The following NUP42 variants were observed in gnomAD, a reference collection of about 807,000 sequenced individuals.
NUP42 encodes nucleoporin NUP42.
A neutral mutation model predicts 35.9 loss-of-function variants in NUP42; 47 were observed. That is an observed-to-expected ratio of 1.31 (90% CI 1.04 to 1.67). The LOEUF (loss-of-function observed/expected upper bound fraction) is 1.67, where lower values mean the gene tolerates loss of function less well. NUP42 is among the 40% of genes most tolerant of loss of function. NUP42 has a pLI of 0.00. For synonymous variants in NUP42, 173 were observed against 173.3 expected, an observed-to-expected ratio of 1.00 and a Z score of 0.01; for missense variants, 514 against 492.2, an observed-to-expected ratio of 1.04 and a Z score of -0.42.
intron 3 of NUP42, among the ~76,000 whole-genome samples, chr7:23,192,577 A>G (rs1206002403): frequency 6.6e-6 from 1 of 151,862 alleles, no homozygotes; most frequent in African/African-American, 2.4e-5. Flanking sequence ...AAAGAAAATC[A>G]TAAGGATAAG....
intron 3 of NUP42, chr7:23,187,945 T>TGTGGGG: frequency 4.1e-6 from 2 of 489,808 alleles, no homozygotes. Flanking sequence ...TGTCTCTCTC[T>TGTGGGG]CTCTCTCTGG....
intron 1 of NUP42, 149 bp from the exon 2 acceptor site, chr7:23,184,921 G>T: frequency 4.8e-6 from 3 of 619,476 alleles, no homozygotes; most frequent in Non-Finnish European, 5.5e-6. Flanking sequence ...TGGGAGGATC[G>T]ATTGAGCTTA....
At chr7:23,182,765 A>AAG (rs1785456831) in intron 1 of NUP42, among the ~76,000 whole-genome samples, 1 of 148,724 alleles carries the variant, frequency 6.7e-6, no homozygotes, top group African/African-American at 2.5e-5. Flanking sequence ...AAAAAAAAAA[A>AAG]TAGCCGGGCG....
chr7:23,191,246 T>G (rs945125692), intron 3 of NUP42, among the ~76,000 whole-genome samples: 2 of 152,144 alleles, frequency 1.3e-5, no homozygotes, highest in African/African-American at 4.8e-5. Context: ...TGAAGAACTT[T>G]AAGCAAAAGA....
At chr7:23,187,599 CTT>C (rs11446033) in intron 3 of NUP42, among the ~76,000 whole-genome samples, 8 of 84,826 alleles carry the variant, frequency 9.4e-5, no homozygotes, top group African/African-American at 3.5e-4. Context: ...GGGATAGCAA[CTT>C]TTTTTTTTTT....
At position 23,196,699 on chromosome 7, in the gene NUP42, T is replaced by TA; in HGVS notation, c.544dup (p.Ile182AsnfsTer10). On this transcript the variant is annotated frameshift_variant, in exon 5 of 7. Coordinates refer to ENST00000258742, the MANE Select transcript of NUP42 (RefSeq NM_007342.3). LOFTEE classifies it high-confidence loss of function. Reference sequence around the variant, plus strand: ...TTTCAGCTAAATTCTGTCCAACGTTTAATAAATCAATGGAGGAACAGGGTA... The same window carrying TA: ...TTTCAGCTAAATTCTGTCCAACGTTTAAATAAATCAATGGAGGAACAGGGTA... 6.2e-7 allele frequency: 1 copy of TA among 1,611,544 alleles called. No homozygotes were observed. Among genetic ancestry groups the TA allele is most frequent in the Non-Finnish European group, 8.5e-7 (1 of 1,177,944 alleles).
intron 1 of NUP42, among the ~76,000 whole-genome samples, chr7:23,183,025 G>A (rs1394213679): frequency 6.6e-6 from 1 of 152,110 alleles, no homozygotes; most frequent in East Asian, 1.9e-4. Flanking sequence ...AATGTGGGAC[G>A]CCCAGTTAAG....
intron 4 of NUP42, 170 bp downstream of exon 4, chr7:23,196,085 A>C: frequency 2.8e-6 from 1 of 358,330 alleles, no homozygotes; most frequent in Non-Finnish European, 4.9e-6. Context: ...GGTTATTAAA[A>C]TGATAATATA....
intron 3 of NUP42, among the ~76,000 whole-genome samples, chr7:23,193,133 GTGAGGCTGAAGACCTTCGCGGTGAGT>G (rs1168454361): frequency 6.6e-6 from 1 of 152,036 alleles, no homozygotes; most frequent in East Asian, 1.9e-4. Flanking sequence ...GGCTTCAGGA[GTGAGGCTGAAGACCTTCGCGGTGAGT>G]GTTACAGCTC....
At chr7:23,199,583 A>T (rs1466876141) in intron 6 of NUP42, 41 bp downstream of exon 6, 2 of 1,529,488 alleles carry the variant, frequency 1.3e-6, no homozygotes, top group Middle Eastern at 1.7e-4. Context: ...GATTTAGAAA[A>T]ATTAGATTTT....
rs1239183753 is a variant in NUP42 at position 23,197,638 on chromosome 7, G to A, written c.609+872G>A. On this transcript the variant is annotated intron_variant, in intron 5 of 6. Coordinates refer to ENST00000258742, the MANE Select transcript of NUP42 (RefSeq NM_007342.3). ...CAAAGAACTGTGGAACTTCCCTCAG[G>A]GCTGGAAGGTCCCTGCTCCTTGCTA... Among the ~76,000 whole-genome samples, 3 of 152,210 alleles carry A rather than the reference G, an allele frequency of 2.0e-5. No homozygotes were observed. In the East Asian group the frequency reaches 5.8e-4, roughly 29 times the overall value.
rs758160045 is a variant in NUP42 at position 23,185,307 on chromosome 7, A to C, written c.350+9A>C. Reference sequence around the variant, plus strand: ...GATGAAAAGAAACTTCTGTAAGTGAAAGTTTTCAGGAAAATTACTATCCAT... The same window carrying C: ...GATGAAAAGAAACTTCTGTAAGTGACAGTTTTCAGGAAAATTACTATCCAT... On this transcript the variant is annotated intron_variant, in intron 2 of 6. Coordinates refer to ENST00000258742, the MANE Select transcript of NUP42 (RefSeq NM_007342.3). 3 of 1,583,132 alleles carry C rather than the reference A, an allele frequency of 1.9e-6. No homozygotes were observed. In the South Asian group the frequency reaches 3.4e-5, roughly 18 times the overall value.
chr7:23,182,722 ACC>A (rs2128471842), intron 1 of NUP42, among the ~76,000 whole-genome samples: 1 of 128,446 alleles, frequency 7.8e-6, no homozygotes, highest in South Asian at 2.5e-4. Flanking sequence ...ATAGTGAAAC[ACC>A]GTCTTTACTA....
At chr7:23,194,945 C>T (rs1032196139) in intron 3 of NUP42, 4 of 139,614 alleles carry the variant, frequency 2.9e-5, no homozygotes, top group Non-Finnish European at 3.2e-5. Flanking sequence ...GCCTCAGCCT[C>T]CCAAAGTGCT....
rs1786126273 is a variant in NUP42 at position 23,199,356 on chromosome 7, A to T, written c.610-102A>T. The T allele has an allele frequency of 1.7e-5, 16 of 947,010 alleles. No individual in the cohort carries two copies. In the South Asian group the frequency reaches 2.1e-4, roughly 13 times the overall value. 58.7% of individuals were successfully genotyped at this position (947,010 alleles called of 1,614,324 possible). A position where few individuals can be genotyped will look rare whatever the true frequency, so the allele number is the denominator to read the frequency against. ...TGTGAGCCACCACACCCAGCCTTTAATGCACATTTTAAAAACTTGAATTTG... is the reference window on the plus strand; with the variant it reads ...TGTGAGCCACCACACCCAGCCTTTATTGCACATTTTAAAAACTTGAATTTG... On this transcript the variant is annotated intron_variant, in intron 5 of 6. Transcript: ENST00000258742.
At chr7:23,188,991 C>A (rs1184780014) in intron 3 of NUP42, among the ~76,000 whole-genome samples, 1 of 152,180 alleles carries the variant, frequency 6.6e-6, no homozygotes, top group Non-Finnish European at 1.5e-5. Context: ...ATTTTGTTAA[C>A]CCTTGACCCT....
chr7:23,189,929 A>AT (rs146139693), intron 3 of NUP42, among the ~76,000 whole-genome samples: 7,673 of 150,480 alleles, frequency 0.051, 265 homozygotes, highest in South Asian at 0.099. Flanking sequence ...AAAAAAAAAA[A>AT]TTTTTTTGAT....
intron 6 of NUP42, 22 bp downstream of exon 6, chr7:23,199,564 G>A (rs746571277): frequency 1.3e-5 from 21 of 1,578,950 alleles, no homozygotes; most frequent in Non-Finnish European, 1.6e-5. Flanking sequence ...AGTAATGCAG[G>A]ACTTCACTGA....
chr7:23,188,426 A>G, intron 3 of NUP42: 3 of 985,394 alleles, frequency 3.0e-6, no homozygotes, highest in Non-Finnish European at 1.2e-6. Flanking sequence ...CTATAAAGAA[A>G]CCACAAAGTA....
Sources: gnomAD v4.1 joint callset for allele counts (sites outside exome capture counted in the v4.1 genomes callset) on GRCh38, gnomAD v4.1.1 for gene constraint, MANE v1.5 for transcripts, NCBI Gene and HGNC (gene_info 2026-07-23, HGNC 2026-07-21) for gene names.